The following SLC16A7 variants were observed in gnomAD, a reference collection of about 807,000 sequenced individuals.
SLC16A7 encodes the protein solute carrier family 16 member 7.
Under a neutral mutation model 34.9 loss-of-function variants are expected in SLC16A7, and 33 were observed. The ratio of observed to expected loss-of-function variants is 0.94; its 90% confidence interval spans 0.72 to 1.26. The LOEUF is 1.26. Ranked by LOEUF, SLC16A7 falls within the 50% of genes most tolerant of loss-of-function variation. The pLI is 0.00. For missense variants in SLC16A7, 573 were observed against 578.1 expected (o/e 0.99, Z 0.09); for synonymous variants, 201 against 206.6 (o/e 0.97, Z 0.23).
intron 3 of SLC16A7, among the ~76,000 whole-genome samples, chr12:59,759,196 G>A (rs941117782): frequency 9.2e-5 from 14 of 151,978 alleles, no homozygotes; most frequent in Non-Finnish European, 1.6e-4. Context: ...TTAGGGTAGA[G>A]TGTGAAGAAG....
intron 4 of SLC16A7, among the ~76,000 whole-genome samples, chr12:59,774,419 AT>A (rs532790119): frequency 1.2e-3 from 186 of 152,298 alleles, no homozygotes; most frequent in Admixed American, 0.011. Context: ...TCTCAATTTC[AT>A]TTTTGTGCTT....
intron 3 of SLC16A7, among the ~76,000 whole-genome samples, chr12:59,754,028 G>A (rs1453144068): frequency 6.6e-6 from 1 of 152,052 alleles, no homozygotes; most frequent in African/African-American, 2.4e-5. Flanking sequence ...ACGAAATGAA[G>A]GCAGAAATAA....
intron 2 of SLC16A7, among the ~76,000 whole-genome samples, chr12:59,686,606 A>T (rs1050055754): frequency 1.3e-5 from 2 of 152,072 alleles, no homozygotes; most frequent in Non-Finnish European, 2.9e-5. Context: ...CATTAAAAAG[A>T]TCATTTAGTT....
intron 1 of SLC16A7, among the ~76,000 whole-genome samples, chr12:59,608,665 C>A (rs1195778805): frequency 6.6e-6 from 1 of 152,028 alleles, no homozygotes; most frequent in Non-Finnish European, 1.5e-5. Context: ...AAAATTGTTT[C>A]CCTTTTACCA....
intron 2 of SLC16A7, among the ~76,000 whole-genome samples, chr12:59,658,722 TG>T (rs1054270897): frequency 2.0e-5 from 3 of 152,002 alleles, no homozygotes; most frequent in African/African-American, 7.2e-5. Flanking sequence ...GACTATGGAT[TG>T]TGTGGGTTGA....
chr12:59,785,627 A>G lies in SLC16A7; in HGVS notation c.*5948A>G, dbSNP rs148021655. On this transcript the variant is annotated 3_prime_UTR_variant, in exon 6 of 6. Coordinates refer to ENST00000547379, the MANE Select transcript of SLC16A7 (RefSeq NM_001270623.2). ...GTATGGACTTTTGTTTCTTTGGTAT[A>G]GTTAGTTACACTTGTTTGCATGATC... 5 of 152,180 alleles carry G rather than the reference A, an allele frequency of 3.3e-5. No individual in the cohort carries two copies. The highest frequency in any genetic ancestry group is 1.2e-4 in the African/African-American group (5 of 41,520). 9.4% of individuals were successfully genotyped at this position (152,180 alleles called of 1,614,324 possible).
intron 2 of SLC16A7, among the ~76,000 whole-genome samples, chr12:59,673,442 C>G (rs140470944): frequency 3.0e-3 from 454 of 151,534 alleles, no homozygotes; most frequent in Middle Eastern, 0.014. Flanking sequence ...TAGGTAGGAC[C>G]CTGTGTTACT....
At chr12:59,671,668 CTCTCTCTCTCTA>C (rs1003048394) in intron 2 of SLC16A7, among the ~76,000 whole-genome samples, 1 of 139,636 alleles carries the variant, frequency 7.2e-6, no homozygotes, top group Non-Finnish European at 1.5e-5. Context: ...TTCTCTCTCT[CTCTCTCTCTCTA>C]TATATATATA....
chr12:59,647,676 A>G (rs964983267), intron 1 of SLC16A7, among the ~76,000 whole-genome samples: 1 of 152,204 alleles, frequency 6.6e-6, no homozygotes, highest in African/African-American at 2.4e-5. Flanking sequence ...TAATAGAGAT[A>G]CATAAATGTG....
At chr12:59,739,081 G>A (rs1192897476) in intron 3 of SLC16A7, among the ~76,000 whole-genome samples, 1 of 150,272 alleles carries the variant, frequency 6.7e-6, no homozygotes, top group Non-Finnish European at 1.5e-5. Flanking sequence ...TAGGGTACAT[G>A]TGCACAATGT....
Position 59,655,077 on chromosome 12 carries a change from G to A in SLC16A7, c.-129-75G>A, listed in dbSNP as rs114438619. 663 of 152,090 alleles carry A rather than the reference G, an allele frequency of 4.4e-3. 2 individuals are homozygous for A. The highest frequency in any genetic ancestry group is 0.015 in the African/African-American group (636 of 41,536). The allele number at this position is 152,090 out of a possible 1,614,324, so 9.4% of individuals were successfully genotyped here. On this transcript the variant is annotated intron_variant, in intron 1 of 5. Coordinates refer to ENST00000547379, the MANE Select transcript of SLC16A7 (RefSeq NM_001270623.2). ...TGTTATTAAGTCTTTCAGATATGGA[G>A]TTGGATATATTTTTCATTTTTCTAA...
At chr12:59,744,619 C>T (rs1227613143) in intron 3 of SLC16A7, among the ~76,000 whole-genome samples, 2 of 152,328 alleles carry the variant, frequency 1.3e-5, no homozygotes, top group East Asian at 3.9e-4. Context: ...ACCCTCTGCC[C>T]TCACTGGCAG....
chr12:59,600,101 A>G (rs183657731), intron 1 of SLC16A7, among the ~76,000 whole-genome samples: 25 of 152,214 alleles, frequency 1.6e-4, no homozygotes, highest in Non-Finnish European at 2.9e-4. Flanking sequence ...TAGAATAGTA[A>G]CCAATTTTGT....
intron 2 of SLC16A7, among the ~76,000 whole-genome samples, chr12:59,688,579 C>A (rs1871331166): frequency 6.6e-6 from 1 of 151,962 alleles, no homozygotes; most frequent in Non-Finnish European, 1.5e-5. Flanking sequence ...TAACAGGTGG[C>A]AGCAATGTTT....
At chr12:59,658,284 T>C (rs1031321852) in intron 2 of SLC16A7, among the ~76,000 whole-genome samples, 2 of 151,990 alleles carry the variant, frequency 1.3e-5, no homozygotes, top group African/African-American at 4.8e-5. Flanking sequence ...ACTTCACTAA[T>C]TGGCATCTCA....
chr12:59,710,577 A>T (rs1024801791), intron 3 of SLC16A7, among the ~76,000 whole-genome samples: 1 of 152,178 alleles, frequency 6.6e-6, no homozygotes, highest in Non-Finnish European at 1.5e-5. Context: ...TTTCAACAGA[A>T]ATTCTAAGAA....
chr12:59,762,239 A>G (rs1338233503), intron 3 of SLC16A7, among the ~76,000 whole-genome samples: 2 of 152,094 alleles, frequency 1.3e-5, no homozygotes, highest in Admixed American at 6.6e-5. Context: ...CCAGAATGCA[A>G]TGGGATGAAT....
chr12:59,736,386 T>G (rs984406564), intron 3 of SLC16A7, among the ~76,000 whole-genome samples: 5 of 152,146 alleles, frequency 3.3e-5, no homozygotes, highest in African/African-American at 1.2e-4. Context: ...AAAAACAAAG[T>G]TTTTCTAAAA....
At chr12:59,717,725 A>G (rs771215289) in intron 3 of SLC16A7, among the ~76,000 whole-genome samples, 1 of 152,172 alleles carries the variant, frequency 6.6e-6, no homozygotes, top group Non-Finnish European at 1.5e-5. Flanking sequence ...TGCCCTATAA[A>G]CACTCCAAAA....
Sources: allele counts gnomAD v4.1 joint callset (sites outside exome capture counted in the v4.1 genomes callset), GRCh38; gene constraint gnomAD v4.1.1; transcripts MANE v1.5; gene names NCBI Gene and HGNC (gene_info 2026-07-23, HGNC 2026-07-21).